Variants in ERCC8 observed in about 807,000 individuals in gnomAD.
ERCC8 encodes DNA excision repair protein ERCC-8.
ERCC8 carries 52 observed loss-of-function variants against 54.9 expected under a neutral mutation model. The ratio of observed to expected loss-of-function variants is 0.95; its 90% CI spans 0.76 to 1.19. The LOEUF is 1.19. ERCC8 is among the 50% of genes most tolerant of loss of function. The pLI is 0.00. For missense variants in ERCC8, 514 were observed against 466.1 expected, an observed-to-expected ratio of 1.10 and a Z score of -0.95; for synonymous variants, 146 against 157.2, an observed-to-expected ratio of 0.93 and a Z score of 0.53.
chr5:60,890,448 T>C (rs1395727762), intron 10 of ERCC8, among the ~76,000 whole-genome samples: 1 of 152,200 alleles, frequency 6.6e-6, no homozygotes, highest in Non-Finnish European at 1.5e-5. Context: ...TAAGAAATTA[T>C]ATAGGTTGTA....
intron 11 of ERCC8, among the ~76,000 whole-genome samples, chr5:60,882,613 T>C (rs1748270014): frequency 6.6e-6 from 1 of 152,072 alleles, no homozygotes; most frequent in African/African-American, 2.4e-5. Flanking sequence ...GGTCTTGAAC[T>C]CCAGATCTTG....
rs1347434304 is a variant in ERCC8, at chr5:60,922,035, T to G, written c.275+19A>C. The G allele has an allele frequency of 6.5e-7, 1 of 1,537,276 alleles. No individual in the cohort carries two copies. The highest frequency in any genetic ancestry group is 8.9e-7 in the Non-Finnish European group (1 of 1,117,884). On this transcript the variant is annotated intron_variant, in intron 3 of 11. Coordinates refer to ENST00000676185, the MANE Select transcript of ERCC8 (RefSeq NM_000082.4). Reference sequence around the variant, plus strand: ...CAACTATTTACAAATTCATAAATTTTTACATTTTAAATACATACCTGCCAA... The same window carrying G: ...CAACTATTTACAAATTCATAAATTTGTACATTTTAAATACATACCTGCCAA...
intron 11 of ERCC8, among the ~76,000 whole-genome samples, chr5:60,881,661 G>T (rs551679231): frequency 5.3e-5 from 8 of 151,972 alleles, no homozygotes; most frequent in Non-Finnish European, 1.0e-4. Context: ...CTCCGAGCCA[G>T]GCGCAGGATA....
At chr5:60,933,216 C>CT (rs143139297) in intron 1 of ERCC8, among the ~76,000 whole-genome samples, 17,138 of 89,758 alleles carry the variant, frequency 0.19, 2,578 homozygotes, top group Non-Finnish European at 0.25. Context: ...CCTTTTTTTT[C>CT]TTTTTTTTTT....
At chr5:60,886,241 T>C (rs1053240934) in intron 11 of ERCC8, among the ~76,000 whole-genome samples, 5 of 152,138 alleles carry the variant, frequency 3.3e-5, no homozygotes, top group Non-Finnish European at 7.4e-5. Context: ...ATACAGAGGC[T>C]ATTACTTTAG....
intron 1 of ERCC8, among the ~76,000 whole-genome samples, chr5:60,944,655 G>A (rs972083150): frequency 6.6e-6 from 1 of 151,816 alleles, no homozygotes; most frequent in Non-Finnish European, 1.5e-5. Context: ...ACAGTACAAC[G>A]AAGTATTCTT....
chr5:60,906,427 T>C (rs538263445), intron 4 of ERCC8, among the ~76,000 whole-genome samples: 4 of 152,142 alleles, frequency 2.6e-5, no homozygotes, highest in Non-Finnish European at 5.9e-5. Flanking sequence ...AGAAGGGCTA[T>C]TATCATTTAA....
intron 11 of ERCC8, among the ~76,000 whole-genome samples, chr5:60,878,796 T>C (rs1359323679): frequency 1.3e-5 from 2 of 152,204 alleles, no homozygotes; most frequent in Admixed American, 1.3e-4. Context: ...TCTATCAATT[T>C]TGTTGATCTT....
At chr5:60,877,219 G>C (rs143361332) in intron 11 of ERCC8, among the ~76,000 whole-genome samples, 1,833 of 152,274 alleles carry the variant, frequency 0.012, 14 homozygotes, top group South Asian at 0.027. Context: ...TGAGGGCTCT[G>C]CTCTGTTCCA....
At chr5:60,892,561 A>G (rs1748594194) in intron 9 of ERCC8, 2 of 654,826 alleles carry the variant, frequency 3.1e-6, no homozygotes, top group South Asian at 1.4e-5. Context: ...TTCTTCCCCA[A>G]ATGGTGGGCC....
intron 9 of ERCC8, among the ~76,000 whole-genome samples, chr5:60,895,226 GTGTGTA>G (rs991917536): frequency 6.7e-6 from 1 of 149,608 alleles, no homozygotes; most frequent in Non-Finnish European, 1.5e-5. Flanking sequence ...AGATAAGTGT[GTGTGTA>G]TGTGTATGTA....
At chr5:60,938,040 CATACAT>C (rs1414598411) in intron 1 of ERCC8, among the ~76,000 whole-genome samples, 36 of 32,486 alleles carry the variant, frequency 1.1e-3, no homozygotes, top group Admixed American at 3.0e-3. Flanking sequence ...TACATACATA[CATACAT>C]ACATATATAT....
intron 11 of ERCC8, among the ~76,000 whole-genome samples, chr5:60,883,306 T>C (rs976535286): frequency 6.6e-6 from 1 of 152,240 alleles, no homozygotes; most frequent in Non-Finnish European, 1.5e-5. Flanking sequence ...ACTGGTAGTA[T>C]GATAAAGCAG....
At chr5:60,910,169 G>T (rs1179678049) in intron 4 of ERCC8, among the ~76,000 whole-genome samples, 1 of 151,938 alleles carries the variant, frequency 6.6e-6, no homozygotes, top group Non-Finnish European at 1.5e-5. Context: ...CTATTCAAGG[G>T]TTACCTGTAT....
chr5:60,942,238 G>A (rs1055389786), intron 1 of ERCC8, among the ~76,000 whole-genome samples: 2 of 152,070 alleles, frequency 1.3e-5, no homozygotes, highest in Non-Finnish European at 2.9e-5. Flanking sequence ...ACTGGAAAAT[G>A]CTTTTGGAAA....
At chr5:60,890,331 A>G (rs1748510738) in intron 10 of ERCC8, among the ~76,000 whole-genome samples, 1 of 152,220 alleles carries the variant, frequency 6.6e-6, no homozygotes, top group Admixed American at 6.5e-5. Context: ...AAAGAAGTGC[A>G]TGAGGTAATT....
chr5:60,893,637 C>G, intron 9 of ERCC8: 1 of 570,802 alleles, frequency 1.8e-6, no homozygotes, highest in Non-Finnish European at 3.2e-6. Context: ...ATACTTCCGG[C>G]GGGGATCTGA....
chr5:60,911,478 A>G (rs1366277093), intron 4 of ERCC8, among the ~76,000 whole-genome samples: 1 of 149,574 alleles, frequency 6.7e-6, no homozygotes, highest in Non-Finnish European at 1.5e-5. Flanking sequence ...TTCTTTGTAG[A>G]CTCTGGATAT....
chr5:60,896,832 T>C (rs1748737675), intron 9 of ERCC8, among the ~76,000 whole-genome samples: 1 of 152,104 alleles, frequency 6.6e-6, no homozygotes, highest in South Asian at 2.1e-4. Context: ...ACATGAACAA[T>C]TTATATATAC....
Sources: allele counts gnomAD v4.1 joint callset (sites outside exome capture counted in the v4.1 genomes callset), GRCh38; gene constraint gnomAD v4.1.1; transcripts MANE v1.5; gene names NCBI Gene and HGNC (gene_info 2026-07-23, HGNC 2026-07-21).